PHF21A: variants seen among roughly 807,000 people sequenced by gnomAD.
PHF21A encodes the protein BHC80a.
Under a neutral mutation model 82.5 loss-of-function variants are expected in PHF21A, and 11 were observed. The ratio of observed to expected loss-of-function variants is 0.13; its 90% CI spans 0.08 to 0.22. The LOEUF is 0.22. Among genes scored for constraint, PHF21A ranks in the 10% least tolerant of loss-of-function variants. The probability of loss-of-function intolerance (pLI) is 1.00; values close to 1 mark genes in which losing one functional copy is unlikely to be tolerated. For missense variants in PHF21A, 579 were observed against 837.8 expected (o/e 0.69, Z 3.81); for synonymous variants, 297 against 302.8 (o/e 0.98, Z 0.20).
chr11:45,964,935 G>T (rs1193778596), intron 10 of PHF21A, among the ~76,000 whole-genome samples: 1 of 152,112 alleles, frequency 6.6e-6, no homozygotes, highest in Non-Finnish European at 1.5e-5. Flanking sequence ...TATTCTTCCT[G>T]ACTTTCACAG....
chr11:46,017,361 C>T (rs1463515218), intron 6 of PHF21A, among the ~76,000 whole-genome samples: 1 of 152,136 alleles, frequency 6.6e-6, no homozygotes, highest in East Asian at 1.9e-4. Context: ...GCACTCAGAA[C>T]GACTAAAGAA....
chr11:46,100,483 G>T (rs1012024622), intron 1 of PHF21A, among the ~76,000 whole-genome samples: 1 of 152,154 alleles, frequency 6.6e-6, no homozygotes, highest in African/African-American at 2.4e-5. Context: ...TGCTATAGGC[G>T]AACTCTTCTG....
Position 45,962,709 on chromosome 11 carries a change from T to C in PHF21A, c.996+2606A>G, listed in dbSNP as rs1382178845. Among the ~76,000 whole-genome samples the C allele has an allele frequency of 9.5e-5, 10 of 104,914 alleles. 3 individuals carry two copies. Among genetic ancestry groups the C allele is most frequent in the African/African-American group, 3.4e-4 (10 of 29,134 alleles). 68.8% of individuals were successfully genotyped at this position (104,914 alleles called of 152,430 possible). ...GAGTCTGAGACCAGCCTGGCCAACA[T>C]GGTGAAACCCCATCTCTACTAAAAA... is the stretch of plus-strand genomic sequence containing the variant. On this transcript the variant is annotated intron_variant, in intron 10 of 18. Coordinates refer to ENST00000676320, the MANE Select transcript of PHF21A (RefSeq NM_001352027.3).
intron 1 of PHF21A, among the ~76,000 whole-genome samples, chr11:46,108,734 T>C (rs1351588797): frequency 2.0e-5 from 3 of 152,144 alleles, no homozygotes; most frequent in Non-Finnish European, 4.4e-5. Context: ...AGGACACTTA[T>C]CTAACACTCT....
At position 46,031,147 on chromosome 11, in the gene PHF21A, T is replaced by A. The variant is rs80191689; in HGVS notation, c.153+45607A>T. On this transcript the variant is annotated intron_variant, in intron 6 of 18. Coordinates refer to ENST00000676320, the MANE Select transcript of PHF21A (RefSeq NM_001352027.3). ...AAAGCCTCAGAGTCACTTATCATTC[T>A]TTCTTCCTCTACCTTGTGGCCCAGT... 3.2e-3 allele frequency among the ~76,000 whole-genome samples: 494 copies of A among 152,284 alleles called. 1 individual carries two copies. Among genetic ancestry groups the A allele is most frequent in the African/African-American group, 0.011 (452 of 41,562 alleles).
At chr11:45,997,499 G>A (rs117363356) in intron 6 of PHF21A, among the ~76,000 whole-genome samples, 64 of 152,270 alleles carry the variant, frequency 4.2e-4, no homozygotes, top group Non-Finnish European at 6.5e-4. Context: ...CCATGCCTAC[G>A]TGAAACAGCT....
At chr11:45,974,527 C>T (rs2093933273) in intron 7 of PHF21A, among the ~76,000 whole-genome samples, 1 of 151,964 alleles carries the variant, frequency 6.6e-6, no homozygotes, top group Admixed American at 6.6e-5. Context: ...AATCACAGCT[C>T]ACTGCAGCCT....
chr11:45,935,588 G>A, intron 18 of PHF21A, 48 bp downstream of exon 18: 1 of 930,028 alleles, frequency 1.1e-6, no homozygotes, highest in Non-Finnish European at 1.8e-6. Flanking sequence ...GAAAGGCCTA[G>A]GTCTCTGCAC....
At chr11:45,983,140 C>G (rs2094365279) in intron 6 of PHF21A, among the ~76,000 whole-genome samples, 1 of 152,166 alleles carries the variant, frequency 6.6e-6, no homozygotes, top group Non-Finnish European at 1.5e-5. Context: ...AGGTGACGAC[C>G]AATCAGAACC....
rs555001387 is a variant in PHF21A at position 46,009,135 on chromosome 11, C to T, written c.154-29169G>A. Reference sequence around the variant, plus strand: ...GATTACAGGCGTGCATCACCATGCCCAGCTAATTTTCTGTATTTAGTAGAG... The same window carrying T: ...GATTACAGGCGTGCATCACCATGCCTAGCTAATTTTCTGTATTTAGTAGAG... On this transcript the variant is annotated intron_variant, in intron 6 of 18. Coordinates refer to ENST00000676320, the MANE Select transcript of PHF21A (RefSeq NM_001352027.3). 9.1e-4 allele frequency among the ~76,000 whole-genome samples: 139 copies of T among 152,014 alleles called. 4 individuals are homozygous for T. The South Asian group carries it at 0.028, about 30-fold the overall frequency.
intron 15 of PHF21A, among the ~76,000 whole-genome samples, chr11:45,945,164 G>A (rs982860232): frequency 3.3e-5 from 5 of 152,166 alleles, no homozygotes; most frequent in African/African-American, 1.2e-4. Context: ...AGTTGGTTTT[G>A]TTCCCTGCTG....
chr11:45,950,322 T>C, intron 11 of PHF21A, 65 bp from the exon 12 acceptor site: 7 of 1,416,778 alleles, frequency 4.9e-6, no homozygotes, highest in Non-Finnish European at 6.9e-6. Flanking sequence ...AATTGCCAGT[T>C]CCTAGTAGGA....
At chr11:46,102,653 C>A (rs1326604082) in intron 1 of PHF21A, among the ~76,000 whole-genome samples, 1 of 152,150 alleles carries the variant, frequency 6.6e-6, no homozygotes, top group Non-Finnish European at 1.5e-5. Context: ...CTATCTCACC[C>A]CAACCAGAAA....
chr11:46,105,104 T>G (rs1182169344), intron 1 of PHF21A, among the ~76,000 whole-genome samples: 1 of 152,096 alleles, frequency 6.6e-6, no homozygotes, highest in Non-Finnish European at 1.5e-5. Context: ...ATTTTACAGG[T>G]GAAGAAACTG....
chr11:45,953,228 C>T (rs1027762563), intron 11 of PHF21A, among the ~76,000 whole-genome samples: 4 of 152,146 alleles, frequency 2.6e-5, no homozygotes, highest in Non-Finnish European at 5.9e-5. Context: ...CTGGGAAAAT[C>T]ATCGCTCATC....
At chr11:46,120,824 A>AGGAGAGAGGCAGAGGGGGAAGGG in intron 1 of PHF21A, 111 bp downstream of exon 1, 2 of 150,776 alleles carry the variant, frequency 1.3e-5, no homozygotes, top group East Asian at 4.0e-4. Flanking sequence ...AGAGGGAGAG[A>AGGAGAGAGGCAGAGGGGGAAGGG]GGAGAGAGGC....
chr11:45,990,863 A>G (rs193147755), intron 6 of PHF21A, among the ~76,000 whole-genome samples: 13 of 152,264 alleles, frequency 8.5e-5, no homozygotes, highest in African/African-American at 2.4e-4. Context: ...ATTTGTTACA[A>G]TCGAACCTAC....
intron 10 of PHF21A, among the ~76,000 whole-genome samples, chr11:45,962,913 T>C (rs995649777): frequency 2.0e-5 from 3 of 151,244 alleles, no homozygotes; most frequent in African/African-American, 7.3e-5. Context: ...AGAGAGAACA[T>C]GAAATTTACT....
Position 45,931,844 on chromosome 11 carries a change from A to C in PHF21A, c.*2124T>G, listed in dbSNP as rs2087678800. On this transcript the variant is annotated 3_prime_UTR_variant, in exon 19 of 19. Transcript: ENST00000676320. ...AAATCTGACACAATTTACTTCTGAC[A>C]AGGCAAGATGAGAGAATGGTCTGAG... The C allele has an allele frequency of 6.6e-6, 1 of 152,288 alleles. No homozygotes were observed. The highest frequency in any genetic ancestry group is 6.5e-5 in the Admixed American group (1 of 15,284). The allele number at this position is 152,288 out of a possible 1,614,324, so 9.4% of individuals were successfully genotyped here.
Sources: gnomAD v4.1 joint callset for allele counts (sites outside exome capture counted in the v4.1 genomes callset) on GRCh38, gnomAD v4.1.1 for gene constraint, MANE v1.5 for transcripts, NCBI Gene and HGNC (gene_info 2026-07-23, HGNC 2026-07-21) for gene names.